Variants in MMP17 observed in about 807,000 individuals in gnomAD.
MMP17 encodes matrix metallopeptidase 17.
Under a neutral mutation model 49.1 loss-of-function variants are expected in MMP17, and 54 were observed. The ratio of observed to expected loss-of-function variants is 1.10; its 90% CI spans 0.88 to 1.38. The LOEUF is 1.38. MMP17 is among the 40% of genes most tolerant of loss of function. MMP17 has a pLI of 0.00. For synonymous variants in MMP17, 397 were observed against 383.1 expected, an observed-to-expected ratio of 1.04 and a Z score of -0.42; for missense variants, 837 against 853.7, an observed-to-expected ratio of 0.98 and a Z score of 0.24.
At chr12:131,844,449 C>G in intron 6 of MMP17, 1 of 311,428 alleles carries the variant, frequency 3.2e-6, no homozygotes, top group Non-Finnish European at 6.0e-6. Flanking sequence ...GAGGGATGTT[C>G]ACTGCCGGGG....
At chr12:131,837,866 A>G (rs1450895806) in intron 1 of MMP17, among the ~76,000 whole-genome samples, 2 of 152,062 alleles carry the variant, frequency 1.3e-5, no homozygotes, top group African/African-American at 4.8e-5. Context: ...ACCTGCCACC[A>G]CACCCGGCTA....
chr12:131,845,425 GACC>G lies in MMP17; in HGVS notation c.1183_1185del (p.His395del). 1 of 1,576,778 alleles carries G rather than the reference GACC, an allele frequency of 6.3e-7. No homozygotes were observed. Among genetic ancestry groups the G allele is most frequent in the Non-Finnish European group, 8.6e-7 (1 of 1,163,344 alleles). On this transcript the variant is annotated inframe_deletion, in exon 8 of 10. Coordinates refer to ENST00000360564, the MANE Select transcript of MMP17 (RefSeq NM_016155.7). Reference sequence around the variant, plus strand: ...GGACGCCGTGTACGAGCGCACCAGCGACCACAAGATCGTCTTCTTTAAAGGTGG... The same window carrying G: ...GGACGCCGTGTACGAGCGCACCAGCGACAAGATCGTCTTCTTTAAAGGTGG...
chr12:131,845,177 G>A lies in MMP17; in HGVS notation c.1028G>A (p.Arg343Gln), dbSNP rs776892759. ...STHFDAVAQIRGEAFFFKGKY... is the reference protein window; with the variant it reads ...STHFDAVAQIQGEAFFFKGKY... The stretch of plus-strand genomic sequence containing the variant: ...CACTTTGACGCGGTGGCCCAGATCC[G>A]GGGTGAAGCTTTCTTCTTCAAAGGT... The change falls in exon 7 of 10, where the codon CGG (arginine) becomes CAG (glutamine). Residue 343 changes from arginine (R) to glutamine (Q), a missense_variant. By Grantham distance (43) the Arg-to-Gln change is conservative. Coordinates refer to ENST00000360564, the MANE Select transcript of MMP17 (RefSeq NM_016155.7). The A allele has an allele frequency of 1.6e-5, 26 of 1,614,050 alleles. No individual in the cohort carries two copies. The highest frequency in any genetic ancestry group is 2.0e-5 in the Non-Finnish European group (24 of 1,179,942).
chr12:131,840,779 C>A lies in MMP17; in HGVS notation c.629C>A (p.Ala210Asp), dbSNP rs1429394050. Residue 210 changes from alanine (A) to aspartate (D), a missense_variant, in exon 4 of 10, where the codon GCC (alanine) becomes GAC (aspartate). Physicochemically the swap from Ala to Asp is moderately radical, Grantham distance 126 (BLOSUM62 -2). Coordinates refer to ENST00000360564, the MANE Select transcript of MMP17 (RefSeq NM_016155.7). Reference sequence around the variant, plus strand: ...GGCCCCGGCGGCACCGTGGCCCACGCCTTCTTCCCCGGCCACCACCACACC... The same window carrying A: ...GGCCCCGGCGGCACCGTGGCCCACGACTTCTTCCCCGGCCACCACCACACC... ...FDGPGGTVAHAFFPGHHHTAG... is the reference protein window; with the variant it reads ...FDGPGGTVAHDFFPGHHHTAG... The A allele has an allele frequency of 1.2e-5, 19 of 1,605,450 alleles. No homozygotes were observed. The highest frequency in any genetic ancestry group is 1.6e-5 in the Non-Finnish European group (19 of 1,179,802).
At chr12:131,838,105 G>T (rs1887174732) in intron 1 of MMP17, 90 bp from the exon 2 acceptor site, 2 of 1,473,954 alleles carry the variant, frequency 1.4e-6, no homozygotes, top group Non-Finnish European at 9.1e-7. Context: ...GAGGGGGCCT[G>T]CCCGGAAGCA....
chr12:131,842,432 T>C (rs1343929537), intron 5 of MMP17, among the ~76,000 whole-genome samples: 4 of 152,228 alleles, frequency 2.6e-5, no homozygotes, highest in African/African-American at 9.6e-5. Flanking sequence ...TCACATGCTC[T>C]GACATCCATG....
At position 131,846,738 on chromosome 12, in the gene MMP17, G is replaced by A. The variant is rs1887719480; in HGVS notation, c.1204+1289G>A. 6.6e-6 allele frequency among the ~76,000 whole-genome samples: 1 copy of A among 152,054 alleles called. No homozygotes were observed. Among genetic ancestry groups the A allele is most frequent in the South Asian group, 2.1e-4 (1 of 4,822 alleles). On this transcript the variant is annotated intron_variant, in intron 8 of 9. Transcript: ENST00000360564. This position sits in a 1 kb window ranked among gnomAD's most constrained non-coding sequence, Gnocchi z 4.6. ...TGCAAAGACCCTCTTTCCAAGTAAG[G>A]TCACGTCCTGAGATTCTGGGTGGAT...
At chr12:131,835,548 AT>A in intron 1 of MMP17, among the ~76,000 whole-genome samples, 1 of 152,260 alleles carries the variant, frequency 6.6e-6, no homozygotes. Flanking sequence ...CACAGAGTAA[AT>A]GGGCCACTCA....
At chr12:131,839,695 C>G (rs1163181003) in intron 3 of MMP17, among the ~76,000 whole-genome samples, 2 of 152,132 alleles carry the variant, frequency 1.3e-5, no homozygotes, top group African/African-American at 4.8e-5. Context: ...CGCCTGTAAT[C>G]ATGGCACTTT....
At position 131,851,441 on chromosome 12, in the gene MMP17, C is replaced by T. The variant is rs1196032515; in HGVS notation, c.*167C>T. The T allele has an allele frequency of 3.7e-6, 2 of 543,348 alleles. No homozygotes were observed. Among genetic ancestry groups the T allele is most frequent in the Admixed American group, 4.3e-5 (1 of 23,280 alleles). The allele number at this position is 543,348 out of a possible 1,614,324, so 33.7% of individuals were successfully genotyped here. A position where few individuals can be genotyped will look rare whatever the true frequency, so the allele number is the denominator to read the frequency against. The stretch of plus-strand genomic sequence containing the variant: ...ACTGTCCGCCAGGGCTGGGCAGGCT[C>T]AGGTGGCAAGGACGGAGCTGTCCCC... On this transcript the variant is annotated 3_prime_UTR_variant, in exon 10 of 10. Coordinates refer to ENST00000360564, the MANE Select transcript of MMP17 (RefSeq NM_016155.7).
intron 2 of MMP17, 119 bp downstream of exon 2, chr12:131,838,446 C>G (rs1887197765): frequency 6.8e-7 from 1 of 1,465,536 alleles, no homozygotes; most frequent in Admixed American, 2.4e-5. Context: ...TGGGTCCTGG[C>G]CTGGTGTAGC....
rs1025568250 is a variant in MMP17 at position 131,838,888 on chromosome 12, A to C, written c.422+147A>C. ...AGGCGGGTGCGTGGCCAGGGTGAGGAACAGGGTCTCCGTGGAGGTGGGCGC... is the reference window on the plus strand; with the variant it reads ...AGGCGGGTGCGTGGCCAGGGTGAGGCACAGGGTCTCCGTGGAGGTGGGCGC... On this transcript the variant is annotated intron_variant, in intron 3 of 9. Transcript: ENST00000360564. 4.8e-5 allele frequency: 48 copies of C among 996,328 alleles called. No individual in the cohort carries two copies. The African/African-American group carries it at 7.8e-4, about 16-fold the overall frequency. 61.7% of individuals were successfully genotyped at this position (996,328 alleles called of 1,614,324 possible). A position where few individuals can be genotyped will look rare whatever the true frequency, so the allele number is the denominator to read the frequency against.
chr12:131,833,637 C>A (rs1334829740), intron 1 of MMP17, among the ~76,000 whole-genome samples: 1 of 152,248 alleles, frequency 6.6e-6, no homozygotes, highest in African/African-American at 2.4e-5. Context: ...GACAGGTTAT[C>A]CACACTCTCT....
rs1006522542 is a variant in MMP17 at position 131,828,493 on chromosome 12, C to T, written c.-2C>T. 2.0e-6 allele frequency: 2 copies of T among 992,840 alleles called. No individual in the cohort carries two copies. Among genetic ancestry groups the T allele is most frequent in the African/African-American group, 3.5e-5 (2 of 56,950 alleles). The allele number at this position is 992,840 out of a possible 1,614,324, so 61.5% of individuals were successfully genotyped here. ...CGCCGCCCGCGGGCCCATGTGAGCGCCATGCGGCGCCGCGCAGCCCGGGGA... is the reference window on the plus strand; with the variant it reads ...CGCCGCCCGCGGGCCCATGTGAGCGTCATGCGGCGCCGCGCAGCCCGGGGA... On this transcript the variant is annotated 5_prime_UTR_variant, in exon 1 of 10. Transcript: ENST00000360564.
rs1555258319 is a variant in MMP17 at position 131,841,712 on chromosome 12, C to G, written c.795C>G (p.Ile265Met). 6 of 1,613,906 alleles carry G rather than the reference C, an allele frequency of 3.7e-6. No homozygotes were observed. The highest frequency in any genetic ancestry group is 1.7e-4 in the Middle Eastern group (1 of 6,016). Reference protein sequence around the residue: ...GLSHVAAAHSIMRPYYQGPVG... With the variant: ...GLSHVAAAHSMMRPYYQGPVG... The stretch of plus-strand genomic sequence containing the variant: ...GCCATGTGGCCGCTGCACACTCCAT[C>G]ATGCGGCCGTACTACCAGGGCCCGG... The change falls in exon 5 of 10, where the codon ATC (isoleucine) becomes ATG (methionine). Residue 265 changes from isoleucine (I) to methionine (M), a missense_variant. Ile to Met is a conservative substitution (Grantham distance 10). Transcript: ENST00000360564.
chr12:131,828,448 G>A lies in MMP17; in HGVS notation c.-47G>A, dbSNP rs1331570796. ...GGCGCCGGGCTGCGGAACGCGAAGC[G>A]GAGGGCGCGGGACCCTGCACGCCGC... On this transcript the variant is annotated 5_prime_UTR_variant, in exon 1 of 10. Coordinates refer to ENST00000360564, the MANE Select transcript of MMP17 (RefSeq NM_016155.7). The A allele has an allele frequency of 2.0e-6, 2 of 977,856 alleles. No individual in the cohort carries two copies. The highest frequency in any genetic ancestry group is 2.4e-6 in the Non-Finnish European group (2 of 822,822). The allele number at this position is 977,856 out of a possible 1,614,324, so 60.6% of individuals were successfully genotyped here.
Position 131,840,739 on chromosome 12 carries a change from G to T in MMP17, c.589G>T (p.Gly197Cys). 6.2e-7 allele frequency: 1 copy of T among 1,604,482 alleles called. No individual in the cohort carries two copies. ...CTTCTCCAAGGCCGACCATAACGAC[G>T]GCTACCCCTTCGACGGCCCCGGCGG... ...IDFSKADHND[G>C]YPFDGPGGTV... Residue 197 changes from glycine (G) to cysteine (C), a missense_variant, in exon 4 of 10, where the codon GGC becomes TGC. Gly to Cys is a radical substitution (Grantham distance 159). Transcript: ENST00000360564.
intron 1 of MMP17, among the ~76,000 whole-genome samples, chr12:131,833,350 G>A (rs1886921600): frequency 6.6e-6 from 1 of 152,256 alleles, no homozygotes; most frequent in Admixed American, 6.5e-5. Flanking sequence ...TATGTGTTCA[G>A]GTGTTTGCTA....
At chr12:131,850,090 G>A (rs766184246) in intron 9 of MMP17, 31 bp downstream of exon 9, 39 of 1,573,392 alleles carry the variant, frequency 2.5e-5, no homozygotes, top group African/African-American at 6.8e-5. Flanking sequence ...CGGGCCATGC[G>A]GCCTTGGTTT....
Sources: gnomAD v4.1 joint callset for allele counts (sites outside exome capture counted in the v4.1 genomes callset) on GRCh38, gnomAD v4.1.1 for gene constraint, Gnocchi (gnomAD v3.1) non-coding constraint, MANE v1.5 for transcripts, NCBI Gene and HGNC (gene_info 2026-07-23, HGNC 2026-07-21) for gene names.